The following WDR75 variants were observed in gnomAD, a reference collection of about 807,000 sequenced individuals.
The protein encoded by WDR75 is WD repeat-containing protein 75.
In WDR75, 52 loss-of-function variants were observed where a neutral mutation model predicts 106.1. That is an observed-to-expected ratio of 0.49 (90% confidence interval 0.39 to 0.62). The LOEUF (loss-of-function observed/expected upper bound fraction) is 0.62, where lower values mean the gene tolerates loss of function less well. Among genes scored for constraint, WDR75 ranks in the 20% least tolerant of loss-of-function variants. The pLI is 0.00. For missense variants in WDR75, 905 were observed against 970.3 expected, an observed-to-expected ratio of 0.93 and a Z score of 0.89; for synonymous variants, 333 against 335.5, an observed-to-expected ratio of 0.99 and a Z score of 0.08.
Position 189,457,314 on chromosome 2 carries a change from G to C in WDR75, c.502G>C (p.Val168Leu), listed in dbSNP as rs1369224302. Residue 168 changes from valine to leucine, a missense_variant, in exon 6 of 21, where the codon GTA becomes CTA. Physicochemically the swap from Val to Leu is conservative, Grantham distance 32. Coordinates refer to ENST00000314761, the MANE Select transcript of WDR75 (RefSeq NM_032168.3). ...TATCTTCTTTTTGAAATACTAGGGA[G>C]TATATGTTGCTGCAGTACGGGAATT... ...PKCIAFGNEGVYVAAVREFYL... is the reference protein window; with the variant it reads ...PKCIAFGNEGLYVAAVREFYL... 3 of 1,596,850 alleles carry C rather than the reference G, an allele frequency of 1.9e-6. No homozygotes were observed. In the South Asian group the frequency reaches 3.3e-5, roughly 18 times the overall value.
At chr2:189,446,412 T>G (rs1283412701) in intron 1 of WDR75, among the ~76,000 whole-genome samples, 1 of 152,190 alleles carries the variant, frequency 6.6e-6, no homozygotes, top group Non-Finnish European at 1.5e-5. Context: ...CTCATGGGAA[T>G]GGAGAAGAGG....
chr2:189,464,459 C>T (rs1558987371), intron 11 of WDR75, among the ~76,000 whole-genome samples: 1 of 152,044 alleles, frequency 6.6e-6, no homozygotes. Flanking sequence ...AACTGTGACA[C>T]TAGCTCTTTC....
intron 4 of WDR75, among the ~76,000 whole-genome samples, chr2:189,453,972 A>G (rs1024622953): frequency 6.6e-6 from 1 of 152,152 alleles, no homozygotes; most frequent in South Asian, 2.1e-4. Flanking sequence ...TAGTCATTCA[A>G]CACCTAATTG....
intron 3 of WDR75, 44 bp from the exon 4 acceptor site, chr2:189,451,761 G>A: frequency 1.3e-6 from 2 of 1,521,412 alleles, no homozygotes; most frequent in Non-Finnish European, 1.8e-6. Context: ...ATGTTCCACT[G>A]GAGGGAACAG....
intron 12 of WDR75, 136 bp from the exon 13 acceptor site, chr2:189,466,289 A>G: frequency 3.2e-6 from 3 of 950,058 alleles, no homozygotes; most frequent in Non-Finnish European, 1.6e-6. Context: ...AGAGCACTCA[A>G]TTGTTTGTCA....
At chr2:189,472,350 A>G (rs1036661101) in intron 18 of WDR75, among the ~76,000 whole-genome samples, 3 of 152,194 alleles carry the variant, frequency 2.0e-5, no homozygotes, top group African/African-American at 4.8e-5. Flanking sequence ...TCTGAGTTAC[A>G]TATAGGGCCC....
At chr2:189,452,714 C>T (rs1686653119) in intron 4 of WDR75, among the ~76,000 whole-genome samples, 1 of 152,124 alleles carries the variant, frequency 6.6e-6, no homozygotes, top group African/African-American at 2.4e-5. Flanking sequence ...AAATAATTGT[C>T]CCTTACCATA....
Position 189,455,442 on chromosome 2 carries a change from G to C in WDR75, c.496G>C (p.Glu166Gln). The stretch of plus-strand genomic sequence containing the variant: ...ACCCAAGTGCATTGCCTTTGGAAAC[G>C]AGGTAAATTTTGTTTTGTTCGTTTT... ...QSPKCIAFGN[E>Q]GVYVAAVREF... Residue 166 changes from glutamate to glutamine, a missense_variant and splice_region_variant, in exon 5 of 21, where the codon GAG (glutamate) becomes CAG (glutamine). Coordinates refer to ENST00000314761, the MANE Select transcript of WDR75 (RefSeq NM_032168.3). 4 of 1,603,132 alleles carry C rather than the reference G, an allele frequency of 2.5e-6. No homozygotes were observed. The highest frequency in any genetic ancestry group is 3.4e-6 in the Non-Finnish European group (4 of 1,176,012).
chr2:189,444,487 G>T (rs1287781017), intron 1 of WDR75, among the ~76,000 whole-genome samples: 2 of 152,122 alleles, frequency 1.3e-5, no homozygotes, highest in Admixed American at 6.5e-5. Flanking sequence ...ATGGTGCTGT[G>T]AATTATTGCA....
intron 13 of WDR75, 45 bp from the exon 14 acceptor site, chr2:189,467,423 T>A (rs1163411446): frequency 6.5e-7 from 1 of 1,533,600 alleles, no homozygotes; most frequent in Non-Finnish European, 8.8e-7. Flanking sequence ...TAGCATTCTC[T>A]AGCATTTACA....
At chr2:189,442,251 A>G (rs999932392) in intron 1 of WDR75, among the ~76,000 whole-genome samples, 1 of 152,126 alleles carries the variant, frequency 6.6e-6, no homozygotes, top group African/African-American at 2.4e-5. Flanking sequence ...AAATGCCTCA[A>G]TATGTTAAAA....
intron 5 of WDR75, among the ~76,000 whole-genome samples, chr2:189,456,817 C>A (rs1048415507): frequency 6.6e-6 from 1 of 152,238 alleles, no homozygotes; most frequent in Admixed American, 6.5e-5. Context: ...CTAAGTTCAT[C>A]TTTTAATTTT....
chr2:189,463,864 G>A lies in WDR75; in HGVS notation c.1016G>A (p.Gly339Asp), dbSNP rs770675783. ...GLVKDRSIFT[G>D]LMIDPRTKAL... The stretch of plus-strand genomic sequence containing the variant: ...TCTGCAGATAGGAGTATCTTCACTG[G>A]TTTGATGATTGATCCAAGAACTAAA... The change falls in exon 11 of 21, where the codon GGT becomes GAT. Residue 339 changes from glycine (G) to aspartate (D), a missense_variant. Physicochemically the swap from Gly to Asp is moderately conservative, Grantham distance 94. Coordinates refer to ENST00000314761, the MANE Select transcript of WDR75 (RefSeq NM_032168.3). The A allele has an allele frequency of 8.7e-6, 14 of 1,613,814 alleles. No individual in the cohort carries two copies. Among genetic ancestry groups the A allele is most frequent in the Non-Finnish European group, 1.1e-5 (13 of 1,179,812 alleles).
chr2:189,455,567 A>G (rs939070749), intron 5 of WDR75, 123 bp downstream of exon 5: 3 of 1,274,514 alleles, frequency 2.4e-6, no homozygotes, highest in Non-Finnish European at 3.2e-6. Flanking sequence ...TGTATTAGTA[A>G]CTAAGAAGCC....
intron 1 of WDR75, among the ~76,000 whole-genome samples, chr2:189,444,018 A>G (rs1423611166): frequency 1.3e-5 from 2 of 152,164 alleles, no homozygotes; most frequent in Non-Finnish European, 2.9e-5. Context: ...AGGTACCTGT[A>G]AAACAACCAG....
intron 17 of WDR75, among the ~76,000 whole-genome samples, 162 bp from the exon 18 acceptor site, chr2:189,470,657 C>T (rs141023986): frequency 3.3e-3 from 496 of 151,774 alleles, no homozygotes; most frequent in Non-Finnish European, 5.4e-3. Context: ...TAACTCTCAT[C>T]GTGGTTATTA....
At chr2:189,443,362 G>A (rs1686427729) in intron 1 of WDR75, among the ~76,000 whole-genome samples, 2 of 152,164 alleles carry the variant, frequency 1.3e-5, no homozygotes, top group Admixed American at 6.5e-5. Flanking sequence ...TGAACAGGCT[G>A]GTACAGTTAG....
intron 12 of WDR75, 110 bp from the exon 13 acceptor site, chr2:189,466,315 A>G: frequency 8.5e-7 from 1 of 1,171,314 alleles, no homozygotes; most frequent in Non-Finnish European, 1.2e-6. Flanking sequence ...CGTGATTATC[A>G]GTTGCCTGTT....
intron 18 of WDR75, among the ~76,000 whole-genome samples, chr2:189,473,545 T>G (rs763050355): frequency 9.2e-5 from 14 of 152,096 alleles, no homozygotes; most frequent in Admixed American, 3.3e-4. Flanking sequence ...TGCCTAGATA[T>G]GAAGATACCA....
Sources: allele counts gnomAD v4.1 joint callset (sites outside exome capture counted in the v4.1 genomes callset), GRCh38; gene constraint gnomAD v4.1.1; transcripts MANE v1.5; gene names NCBI Gene and HGNC (gene_info 2026-07-23, HGNC 2026-07-21).